Variants in KCNIP4 observed in about 807,000 individuals in gnomAD.
The protein encoded by KCNIP4 is Kv channel-interacting protein 4.
In KCNIP4, 12 loss-of-function variants were observed where a neutral mutation model predicts 34.0. That is an observed-to-expected ratio of 0.35 (90% CI 0.23 to 0.57). KCNIP4 has a LOEUF of 0.57. Ranked by LOEUF, KCNIP4 falls within the 20% of genes least tolerant of loss-of-function variation. KCNIP4 has a pLI of 0.83. For missense variants in KCNIP4, 238 were observed against 311.7 expected (o/e 0.76, Z 1.78); for synonymous variants, 124 against 102.2 (o/e 1.21, Z -1.29).
intron 1 of KCNIP4, among the ~76,000 whole-genome samples, chr4:21,121,031 G>A (rs2109134646): frequency 6.6e-6 from 1 of 152,196 alleles, no homozygotes; most frequent in East Asian, 1.9e-4. Context: ...GCCCCACTGT[G>A]TGCTTTAAAA....
At chr4:20,947,974 A>T (rs1025576561) in intron 1 of KCNIP4, among the ~76,000 whole-genome samples, 10 of 152,186 alleles carry the variant, frequency 6.6e-5, no homozygotes, top group African/African-American at 2.4e-4. Context: ...CAGTTTACAC[A>T]TGTGGAAAAT....
At chr4:20,869,171 G>A (rs1057302679) in intron 2 of KCNIP4, among the ~76,000 whole-genome samples, 4 of 151,988 alleles carry the variant, frequency 2.6e-5, no homozygotes, top group Admixed American at 2.6e-4. Flanking sequence ...ATATTAGGGG[G>A]ATGATTTGCA....
At chr4:21,227,781 T>C (rs1758508249) in intron 1 of KCNIP4, among the ~76,000 whole-genome samples, 1 of 152,188 alleles carries the variant, frequency 6.6e-6, no homozygotes, top group South Asian at 2.1e-4. Flanking sequence ...TGCTTGAAGC[T>C]GGGGGTTCAG....
Position 21,798,428 on chromosome 4 carries a change from TG to T in KCNIP4, c.61+150142del, listed in dbSNP as rs1316356628. Among the ~76,000 whole-genome samples the T allele has an allele frequency of 2.8e-5, 4 of 142,184 alleles. No homozygotes were observed. The East Asian group carries it at 6.2e-4, about 22-fold the overall frequency. The allele number at this position is 142,184 out of a possible 152,430, so 93.3% of individuals were successfully genotyped here. ...ACATATATATATATATATATATATT[TG>T]CTGGGTGTGGTGGCACACATCTGTA... On this transcript the variant is annotated intron_variant, in intron 1 of 8. Coordinates refer to ENST00000382152, the MANE Select transcript of KCNIP4 (RefSeq NM_025221.6).
At chr4:21,656,285 T>A (rs1230520598) in intron 1 of KCNIP4, among the ~76,000 whole-genome samples, 1 of 152,164 alleles carries the variant, frequency 6.6e-6, no homozygotes, top group African/African-American at 2.4e-5. Context: ...CTCTCCTTTT[T>A]ATCAGGACAA....
intron 1 of KCNIP4, among the ~76,000 whole-genome samples, chr4:21,796,793 T>G (rs566509126): frequency 1.1e-4 from 16 of 152,342 alleles, no homozygotes; most frequent in African/African-American, 3.6e-4. Flanking sequence ...TTATCAATGA[T>G]TTAATTCTGT....
intron 1 of KCNIP4, among the ~76,000 whole-genome samples, chr4:21,755,210 C>T (rs1385454336): frequency 1.3e-5 from 2 of 152,068 alleles, no homozygotes; most frequent in Non-Finnish European, 2.9e-5. Context: ...GCTGTCTCTG[C>T]CAGTAGTTAT....
intron 3 of KCNIP4, among the ~76,000 whole-genome samples, chr4:20,835,331 T>C (rs1439949969): frequency 6.6e-6 from 1 of 151,028 alleles, no homozygotes; most frequent in African/African-American, 2.4e-5. Flanking sequence ...TCATTCTTAG[T>C]GGTCAAAAAG....
intron 1 of KCNIP4, among the ~76,000 whole-genome samples, chr4:21,726,433 A>G (rs1189979655): frequency 6.6e-6 from 1 of 152,222 alleles, no homozygotes; most frequent in Non-Finnish European, 1.5e-5. Flanking sequence ...CTCACGTAGC[A>G]GAGGAGGGTG....
chr4:21,021,697 TA>T (rs1380705226), intron 1 of KCNIP4, among the ~76,000 whole-genome samples: 9 of 152,128 alleles, frequency 5.9e-5, no homozygotes, highest in African/African-American at 2.2e-4. Flanking sequence ...GGAAGGTCTT[TA>T]GGGGCAATAA....
chr4:21,353,754 C>G (rs749060940), intron 1 of KCNIP4, among the ~76,000 whole-genome samples: 1 of 152,146 alleles, frequency 6.6e-6, no homozygotes, highest in Non-Finnish European at 1.5e-5. Context: ...ACTTCCTCAA[C>G]CTAGCAAGGT....
At chr4:21,140,745 C>T (rs986690694) in intron 1 of KCNIP4, among the ~76,000 whole-genome samples, 1 of 152,124 alleles carries the variant, frequency 6.6e-6, no homozygotes, top group Non-Finnish European at 1.5e-5. Flanking sequence ...GTGGACTACT[C>T]TAGTCCCTGC....
At chr4:20,782,631 G>C (rs1267326245) in intron 3 of KCNIP4, among the ~76,000 whole-genome samples, 2 of 151,914 alleles carry the variant, frequency 1.3e-5, no homozygotes, top group Non-Finnish European at 2.9e-5. Context: ...AGGGCACCAA[G>C]TCCCTAGACT....
At chr4:21,358,138 G>A (rs1718846681) in intron 1 of KCNIP4, among the ~76,000 whole-genome samples, 1 of 152,034 alleles carries the variant, frequency 6.6e-6, no homozygotes. Flanking sequence ...TTGGACACAG[G>A]GAAGAGAACA....
intron 1 of KCNIP4, among the ~76,000 whole-genome samples, chr4:21,651,576 T>A (rs758784484): frequency 6.6e-6 from 1 of 152,210 alleles, no homozygotes; most frequent in Non-Finnish European, 1.5e-5. Flanking sequence ...CTACCAACCC[T>A]GGGTAAAGCC....
chr4:21,267,908 A>C (rs1761914930), intron 1 of KCNIP4, among the ~76,000 whole-genome samples: 1 of 151,536 alleles, frequency 6.6e-6, no homozygotes, highest in African/African-American at 2.4e-5. Context: ...TGATTGGAAT[A>C]GTTTCAGAAG....
At chr4:20,930,681 T>C (rs775276099) in intron 1 of KCNIP4, among the ~76,000 whole-genome samples, 5 of 151,898 alleles carry the variant, frequency 3.3e-5, no homozygotes, top group African/African-American at 4.8e-5. Flanking sequence ...ACAAACAGCT[T>C]GATTAAAAAC....
rs76757041 is a variant in KCNIP4 at position 21,752,983 on chromosome 4, A to G, written c.61+195588T>C. The stretch of plus-strand genomic sequence containing the variant: ...ATTGACCATAAAATGTGCTGCTGCA[A>G]TTAGAGGGTTTTTTTTTATCTTTTT... On this transcript the variant is annotated intron_variant, in intron 1 of 8. Transcript: ENST00000382152. 8.8e-3 allele frequency among the ~76,000 whole-genome samples: 1,335 copies of G among 152,258 alleles called. 19 individuals carry two copies. Among genetic ancestry groups the G allele is most frequent in the South Asian group, 0.039 (188 of 4,824 alleles).
At chr4:20,784,840 G>T (rs1711735290) in intron 3 of KCNIP4, among the ~76,000 whole-genome samples, 1 of 152,114 alleles carries the variant, frequency 6.6e-6, no homozygotes, top group Non-Finnish European at 1.5e-5. Context: ...CACAGAAGGA[G>T]TTTTGGACCC....
Sources: allele counts gnomAD v4.1 joint callset (sites outside exome capture counted in the v4.1 genomes callset), GRCh38; gene constraint gnomAD v4.1.1; transcripts MANE v1.5; gene names NCBI Gene and HGNC (gene_info 2026-07-23, HGNC 2026-07-21).